The following AQR variants were observed in gnomAD, a reference collection of about 807,000 sequenced individuals.
AQR encodes the protein aquarius intron-binding spliceosomal factor.
In AQR, 61 loss-of-function variants were observed where a neutral mutation model predicts 180.5. That is an observed-to-expected ratio of 0.34 (90% CI 0.28 to 0.42). AQR has a LOEUF of 0.42. AQR is among the 10% of genes least tolerant of loss of function. The probability of loss-of-function intolerance (pLI) is 1.00; values close to 1 mark genes in which losing one functional copy is unlikely to be tolerated. For synonymous variants in AQR, 551 were observed against 588.8 expected (o/e 0.94, Z 0.93); for missense variants, 1,281 against 1,798.3 (o/e 0.71, Z 5.20).
At chr15:34,915,211 T>A in intron 15 of AQR, 32 bp from the exon 16 acceptor site, 4 of 1,284,598 alleles carry the variant, frequency 3.1e-6, no homozygotes, top group Non-Finnish European at 4.1e-6. Context: ...ATATTTCAAT[T>A]TTTTTTTTTT....
In AQR at chr15:34,938,889, C is replaced by T. The variant is rs927045359; in HGVS notation, c.642-76G>A. 6.7e-5 allele frequency: 71 copies of T among 1,055,054 alleles called. 1 individual carries two copies. The highest frequency in any genetic ancestry group is 6.3e-4 in the Middle Eastern group (3 of 4,768). 65.4% of individuals were successfully genotyped at this position (1,055,054 alleles called of 1,614,324 possible). A position where few individuals can be genotyped will look rare whatever the true frequency, so the allele number is the denominator to read the frequency against. ...AAAAGTAAACTTTAAATGTTGACCA[C>T]GGCTTTCCAATATTGTTCAACTGTT... On this transcript the variant is annotated intron_variant, in intron 8 of 34. Transcript: ENST00000156471.
At chr15:34,964,113 A>T (rs2050297040) in intron 2 of AQR, 121 bp downstream of exon 2, 1 of 727,586 alleles carries the variant, frequency 1.4e-6, no homozygotes, top group Admixed American at 2.9e-5. Flanking sequence ...AAAAAATTGT[A>T]TTTTTTGTAG....
chr15:34,946,888 G>C (rs1286902226), intron 5 of AQR, among the ~76,000 whole-genome samples: 2,877 of 147,822 alleles, frequency 0.019, 87 homozygotes, highest in African/African-American at 0.069. Flanking sequence ...AGGGAGGTGG[G>C]GGGGGTCAGC....
intron 31 of AQR, 29 bp from the exon 32 acceptor site, chr15:34,867,638 C>T (rs747258724): frequency 1.9e-6 from 3 of 1,560,704 alleles, no homozygotes; most frequent in Admixed American, 3.5e-5. Context: ...AAATATGGTG[C>T]ATTTGCAAAA....
intron 24 of AQR, among the ~76,000 whole-genome samples, chr15:34,888,885 CTTT>C (rs1183770366): frequency 6.6e-6 from 1 of 152,026 alleles, no homozygotes; most frequent in Non-Finnish European, 1.5e-5. Context: ...CATAATTTTT[CTTT>C]TTAATTGTAA....
chr15:34,908,234 A>C (rs1893447724), intron 17 of AQR, among the ~76,000 whole-genome samples: 1 of 152,096 alleles, frequency 6.6e-6, no homozygotes, highest in Non-Finnish European at 1.5e-5. Flanking sequence ...GGTGGATCAC[A>C]AGACCAGCCT....
At chr15:34,911,961 T>C (rs935822435) in intron 16 of AQR, among the ~76,000 whole-genome samples, 5 of 152,148 alleles carry the variant, frequency 3.3e-5, no homozygotes, top group African/African-American at 7.2e-5. Context: ...CAGTTAACTT[T>C]TGTGTATCAT....
At chr15:34,897,451 G>A in intron 21 of AQR, 108 bp downstream of exon 21, 3 of 1,264,594 alleles carry the variant, frequency 2.4e-6, no homozygotes, top group Non-Finnish European at 1.1e-6. Flanking sequence ...TCAGAAACAG[G>A]AGTTTTGTGG....
chr15:34,899,581 G>C (rs115682836), intron 20 of AQR, among the ~76,000 whole-genome samples: 3,251 of 151,580 alleles, frequency 0.021, 119 homozygotes, highest in African/African-American at 0.071. Flanking sequence ...CAGTTGCCCA[G>C]GGTGGTCTGG....
At chr15:34,942,555 T>C (rs752023561) in intron 6 of AQR, among the ~76,000 whole-genome samples, 17 of 152,250 alleles carry the variant, frequency 1.1e-4, no homozygotes, top group Admixed American at 5.9e-4. Flanking sequence ...AAGTGCTGTC[T>C]GATGTTCATG....
chr15:34,876,457 A>G (rs1892890707), intron 27 of AQR, among the ~76,000 whole-genome samples: 1 of 151,878 alleles, frequency 6.6e-6, no homozygotes, highest in Non-Finnish European at 1.5e-5. Flanking sequence ...CTTCAGTCTC[A>G]CCCCTGGGCA....
rs527316447 is a variant in AQR at position 34,968,190 on chromosome 15, T to C, written c.75+1349A>G. Among the ~76,000 whole-genome samples the C allele has an allele frequency of 7.9e-3, 1,194 of 151,818 alleles. 8 individuals are homozygous for C. Among genetic ancestry groups the C allele is most frequent in the Non-Finnish European group, 0.013 (872 of 67,956 alleles). ...AGGGAGGCTGAGGTGGAAGGCTCACTGGAGCCCAGCCAACATAGTGAGACC... is the reference window on the plus strand; with the variant it reads ...AGGGAGGCTGAGGTGGAAGGCTCACCGGAGCCCAGCCAACATAGTGAGACC... On this transcript the variant is annotated intron_variant, in intron 1 of 34. Coordinates refer to ENST00000156471, the MANE Select transcript of AQR (RefSeq NM_014691.3).
chr15:34,863,882 T>C (rs1001523129), intron 32 of AQR, among the ~76,000 whole-genome samples: 1 of 152,218 alleles, frequency 6.6e-6, no homozygotes, highest in Non-Finnish European at 1.5e-5. Flanking sequence ...TGGTTTCAAA[T>C]GCAGAGGACA....
intron 3 of AQR, among the ~76,000 whole-genome samples, chr15:34,957,849 G>C (rs1027670623): frequency 6.7e-6 from 1 of 150,328 alleles, no homozygotes; most frequent in Non-Finnish European, 1.5e-5. Flanking sequence ...ATAAGAAAAC[G>C]ACTGTTAAAA....
intron 16 of AQR, among the ~76,000 whole-genome samples, chr15:34,911,416 A>G (rs894752646): frequency 1.3e-5 from 2 of 152,194 alleles, no homozygotes; most frequent in African/African-American, 4.8e-5. Flanking sequence ...CCAATAGTGT[A>G]TAAGAGTTCC....
intron 12 of AQR, among the ~76,000 whole-genome samples, chr15:34,927,967 A>G (rs147867271): frequency 1.6e-4 from 25 of 152,340 alleles, no homozygotes; most frequent in Non-Finnish European, 3.1e-4. Flanking sequence ...GGCCTCCTCA[A>G]CAGGGCAAAT....
At chr15:34,969,469 A>G in intron 1 of AQR, 70 bp downstream of exon 1, 1 of 1,550,656 alleles carries the variant, frequency 6.4e-7, no homozygotes, top group South Asian at 1.1e-5. Context: ...CTGAAAAAAA[A>G]CCCCACCACC....
chr15:34,917,928 A>G (rs1893621515), intron 15 of AQR, among the ~76,000 whole-genome samples: 2 of 151,852 alleles, frequency 1.3e-5, no homozygotes, highest in Admixed American at 6.6e-5. Context: ...GGCTGCAGTG[A>G]GCTGAGACTG....
At chr15:34,904,862 G>T (rs1361645238) in intron 18 of AQR, among the ~76,000 whole-genome samples, 2 of 151,822 alleles carry the variant, frequency 1.3e-5, no homozygotes, top group Non-Finnish European at 1.5e-5. Flanking sequence ...CTTACATATA[G>T]TAAGTATTCA....
Sources: allele counts gnomAD v4.1 joint callset (sites outside exome capture counted in the v4.1 genomes callset), GRCh38; gene constraint gnomAD v4.1.1; transcripts MANE v1.5; gene names NCBI Gene and HGNC (gene_info 2026-07-23, HGNC 2026-07-21).